Variants in PLEKHH2 observed in about 807,000 individuals in gnomAD.
PLEKHH2 encodes the protein pleckstrin homology, MyTH4 and FERM domain containing H2.
PLEKHH2 carries 129 observed loss-of-function variants against 187.9 expected under a neutral mutation model. The observed-to-expected ratio is 0.69, with a 90% confidence interval of 0.59 to 0.79. The LOEUF is 0.79. Among genes scored for constraint, PLEKHH2 ranks in the 30% least tolerant of loss-of-function variants. The pLI, the probability that PLEKHH2 is intolerant of heterozygous loss-of-function variation, is 0.00. For synonymous variants in PLEKHH2, 686 were observed against 605.6 expected (o/e 1.13, Z -1.95); for missense variants, 2,076 against 1,751.2 (o/e 1.19, Z -3.31).
chr2:43,736,401 T>A (rs1422665955), intron 19 of PLEKHH2, among the ~76,000 whole-genome samples: 1 of 152,116 alleles, frequency 6.6e-6, no homozygotes, highest in East Asian at 1.9e-4. Context: ...ACTAATGACA[T>A]ACGCCCTGTG....
At chr2:43,713,774 A>C (rs1280987483) in intron 15 of PLEKHH2, among the ~76,000 whole-genome samples, 2 of 151,394 alleles carry the variant, frequency 1.3e-5, no homozygotes, top group Non-Finnish European at 2.9e-5. Context: ...ACACATAATC[A>C]CTCCTCATTC....
At chr2:43,735,423 G>T (rs7561861) in intron 19 of PLEKHH2, among the ~76,000 whole-genome samples, 58,645 of 151,962 alleles carry the variant, frequency 0.39, 13,431 homozygotes, top group African/African-American at 0.65. Context: ...CCAGAGGCTG[G>T]GTAGTAGGGG....
intron 15 of PLEKHH2, among the ~76,000 whole-genome samples, chr2:43,720,019 A>G (rs1444196508): frequency 6.6e-6 from 1 of 152,220 alleles, no homozygotes; most frequent in Admixed American, 6.5e-5. Context: ...TAATGCATTC[A>G]TGGGGTACAA....
At chr2:43,712,407 A>G (rs778694980) in intron 15 of PLEKHH2, 24 bp downstream of exon 15, 3 of 1,608,290 alleles carry the variant, frequency 1.9e-6, no homozygotes, top group Non-Finnish European at 1.7e-6. Context: ...GTGCATAGCA[A>G]TGTCCCAGGC....
intron 24 of PLEKHH2, among the ~76,000 whole-genome samples, chr2:43,750,413 A>C (rs1572659973): frequency 6.6e-6 from 1 of 152,014 alleles, no homozygotes; most frequent in Non-Finnish European, 1.5e-5. Flanking sequence ...CAGAGGTTGC[A>C]GTGAGCCAAA....
intron 27 of PLEKHH2, 148 bp downstream of exon 27, chr2:43,759,177 A>G: frequency 2.4e-6 from 3 of 1,262,468 alleles, no homozygotes; most frequent in Non-Finnish European, 3.1e-6. Context: ...CACTAGAGAA[A>G]GGGCAGAAAA....
intron 6 of PLEKHH2, 116 bp from the exon 7 acceptor site, chr2:43,697,055 T>G: frequency 1.3e-6 from 1 of 757,848 alleles, no homozygotes; most frequent in African/African-American, 1.8e-5. Context: ...AGATGAACTT[T>G]AGGCTTTTTT....
Position 43,765,833 on chromosome 2 carries a change from GAATTCAT to G in PLEKHH2, c.*236_*242del, listed in dbSNP as rs1672602012. On this transcript the variant is annotated 3_prime_UTR_variant, in exon 30 of 30. Coordinates refer to ENST00000282406, the MANE Select transcript of PLEKHH2 (RefSeq NM_172069.4). The stretch of plus-strand genomic sequence containing the variant: ...ATTTTCTTATAGAGTAAATGAGTAA[GAATTCAT>G]CATTTTTTCCATCTCCCTTCTCCCT... The G allele has an allele frequency of 7.8e-6, 3 of 387,056 alleles. No individual in the cohort carries two copies. The Admixed American group carries it at 1.3e-4, about 16-fold the overall frequency. 24.0% of individuals were successfully genotyped at this position (387,056 alleles called of 1,614,324 possible).
chr2:43,753,622 A>G lies in PLEKHH2; in HGVS notation c.3657A>G (p.Leu1219=), dbSNP rs147814113. The G allele has an allele frequency of 3.8e-5, 56 of 1,471,474 alleles. No individual in the cohort carries two copies. The highest frequency in any genetic ancestry group is 4.6e-5 in the Non-Finnish European group (51 of 1,108,242). The allele number at this position is 1,471,474 out of a possible 1,614,324, so 91.2% of individuals were successfully genotyped here. Reference sequence around the variant, plus strand: ...AATTTACTCTTTTTTTTTACAGACTATATTTCTCAGTGCAAGCTCGTGGAG... The same window carrying G: ...AATTTACTCTTTTTTTTTACAGACTGTATTTCTCAGTGCAAGCTCGTGGAG... ...RTVRLTYKNR[L]YFSVQARGET... is the part of the protein sequence containing the mutation. The change falls in exon 25 of 30, where the codon CTA becomes CTG. Residue 1219 remains leucine (L), a synonymous_variant. Transcript: ENST00000282406.
intron 27 of PLEKHH2, among the ~76,000 whole-genome samples, chr2:43,761,940 G>A (rs944059841): frequency 6.6e-6 from 1 of 152,054 alleles, no homozygotes; most frequent in Admixed American, 6.5e-5. Context: ...TAGGATTTTG[G>A]TCATCATAGA....
Position 43,642,623 on chromosome 2 carries a change from G to T in PLEKHH2, c.-3-2048G>T, listed in dbSNP as rs978909757. Among the ~76,000 whole-genome samples the T allele has an allele frequency of 8.5e-5, 13 of 152,104 alleles. No homozygotes were observed. The East Asian group carries it at 2.3e-3, about 27-fold the overall frequency. ...TAGTAAACGTCCTCTATCAGGATGAGGAAGTTCCTGTCTATTTGTAGTTTC... is the reference window on the plus strand; with the variant it reads ...TAGTAAACGTCCTCTATCAGGATGATGAAGTTCCTGTCTATTTGTAGTTTC... On this transcript the variant is annotated intron_variant, in intron 1 of 29. Coordinates refer to ENST00000282406, the MANE Select transcript of PLEKHH2 (RefSeq NM_172069.4).
intron 1 of PLEKHH2, among the ~76,000 whole-genome samples, chr2:43,643,130 A>T (rs557310784): frequency 1.3e-5 from 2 of 152,242 alleles, no homozygotes; most frequent in African/African-American, 4.8e-5. Context: ...CTCCTAAATC[A>T]TTGCTAGTAA....
chr2:43,710,272 C>G lies in PLEKHH2; in HGVS notation c.2156C>G (p.Ser719Cys), dbSNP rs775926385. ...YLLKMSGKVK[S>C]WKRRWFVLKG... is the part of the protein sequence containing the mutation. ...TTAAAAATGAGTGGTAAAGTCAAGT[C>G]TTGGAAGCGGCGGTGGTTTGTTCTT... is the stretch of plus-strand genomic sequence containing the variant. The change falls in exon 13 of 30, where the codon TCT becomes TGT. Residue 719 changes from serine (S) to cysteine (C), a missense_variant. By Grantham distance (112) the Ser-to-Cys change is moderately radical. Coordinates refer to ENST00000282406, the MANE Select transcript of PLEKHH2 (RefSeq NM_172069.4). 2 of 1,614,128 alleles carry G rather than the reference C, an allele frequency of 1.2e-6. No homozygotes were observed. The highest frequency in any genetic ancestry group is 4.5e-5 in the East Asian group (2 of 44,878).
chr2:43,742,186 G>A (rs186964324), intron 21 of PLEKHH2, among the ~76,000 whole-genome samples: 1 of 152,132 alleles, frequency 6.6e-6, no homozygotes, highest in Non-Finnish European at 1.5e-5. Flanking sequence ...ATTTTCAATA[G>A]AGACAGGTTT....
intron 1 of PLEKHH2, among the ~76,000 whole-genome samples, chr2:43,638,074 G>A (rs1426127979): frequency 6.6e-6 from 1 of 152,188 alleles, no homozygotes; most frequent in African/African-American, 2.4e-5. Context: ...TGCCAGTCTT[G>A]GAAGCCTGGC....
chr2:43,726,510 G>A (rs927311707), intron 17 of PLEKHH2, 59 bp downstream of exon 17: 241 of 1,421,546 alleles, frequency 1.7e-4, no homozygotes, highest in Non-Finnish European at 1.9e-4. Flanking sequence ...TTCAGATATT[G>A]GTAATAATTA....
At chr2:43,682,595 G>C (rs560035910) in intron 3 of PLEKHH2, among the ~76,000 whole-genome samples, 1 of 152,062 alleles carries the variant, frequency 6.6e-6, no homozygotes, top group East Asian at 1.9e-4. Flanking sequence ...ATGAGCCACC[G>C]TGCCCAGCCA....
chr2:43,734,238 T>C (rs924467186), intron 19 of PLEKHH2, among the ~76,000 whole-genome samples: 1 of 152,190 alleles, frequency 6.6e-6, no homozygotes, highest in Non-Finnish European at 1.5e-5. Context: ...CACCCTAACT[T>C]TGGATTATTT....
chr2:43,681,097 C>T (rs1349352296), intron 3 of PLEKHH2: 6 of 1,059,012 alleles, frequency 5.7e-6, no homozygotes, highest in Non-Finnish European at 8.5e-6. Context: ...TGCCAACCAA[C>T]TCCAGAATTA....
Sources: gnomAD v4.1 joint callset for allele counts (sites outside exome capture counted in the v4.1 genomes callset) on GRCh38, gnomAD v4.1.1 for gene constraint, MANE v1.5 for transcripts, NCBI Gene and HGNC (gene_info 2026-07-23, HGNC 2026-07-21) for gene names.